CD2: variants seen among roughly 807,000 people sequenced by gnomAD.
The protein encoded by CD2 is T-cell surface antigen CD2.
CD2 carries 18 observed loss-of-function variants against 23.2 expected under a neutral mutation model. The ratio of observed to expected loss-of-function variants is 0.77; its 90% CI spans 0.54 to 1.15. The LOEUF (loss-of-function observed/expected upper bound fraction) is 1.15, where lower values mean the gene tolerates loss of function less well. Among genes scored for constraint, CD2 ranks in the 50% most tolerant of loss-of-function variants. The probability of loss-of-function intolerance (pLI) is 0.00; values close to 1 mark genes in which losing one functional copy is unlikely to be tolerated. For missense variants in CD2, 424 were observed against 423.1 expected (o/e 1.00, Z -0.02); for synonymous variants, 162 against 151.9 (o/e 1.07, Z -0.49).
intron 2 of CD2, among the ~76,000 whole-genome samples, chr1:116,757,014 T>C (rs1338829332): frequency 1.3e-5 from 2 of 150,596 alleles, no homozygotes; most frequent in Non-Finnish European, 3.0e-5. Flanking sequence ...TTTTTTTAAT[T>C]GAGATGGCAT....
intron 2 of CD2, among the ~76,000 whole-genome samples, chr1:116,757,091 G>C (rs1196898516): frequency 6.6e-6 from 1 of 151,632 alleles, no homozygotes; most frequent in Non-Finnish European, 1.5e-5. Context: ...CTGCCTCCCA[G>C]GTTCAAGCGA....
rs774555703 is a variant in CD2 at position 116,760,360 on chromosome 1, G to T, written c.383-42G>T. 1.8e-5 allele frequency: 27 copies of T among 1,537,816 alleles called. No homozygotes were observed. The Middle Eastern group carries it at 8.5e-4, about 48-fold the overall frequency. ...TAAATAGATATGTTTATTAAAATCA[G>T]AAAATTGCCTAAATTGAACTGAATC... On this transcript the variant is annotated intron_variant, in intron 2 of 4. Transcript: ENST00000369478.
intron 2 of CD2, 86 bp downstream of exon 2, chr1:116,755,037 G>A (rs1366554410): frequency 4.5e-5 from 40 of 892,160 alleles, no homozygotes; most frequent in Non-Finnish European, 6.4e-5. Flanking sequence ...ATTCCCCAGC[G>A]CTGACCTCTG....
chr1:116,758,702 T>C (rs1469459711), intron 2 of CD2, among the ~76,000 whole-genome samples: 2 of 152,196 alleles, frequency 1.3e-5, no homozygotes, highest in East Asian at 3.8e-4. Context: ...ACCATGTTGG[T>C]GTTTTCACAT....
intron 2 of CD2, among the ~76,000 whole-genome samples, chr1:116,756,039 G>T (rs960551863): frequency 6.6e-6 from 1 of 152,114 alleles, no homozygotes; most frequent in Non-Finnish European, 1.5e-5. Flanking sequence ...TCTGTCTCCA[G>T]CCCCATCTTC....
chr1:116,754,831 A>G lies in CD2; in HGVS notation c.262A>G (p.Lys88Glu). 3.1e-6 allele frequency: 5 copies of G among 1,612,628 alleles called. No individual in the cohort carries two copies. Among genetic ancestry groups the G allele is most frequent in the Non-Finnish European group, 4.2e-6 (5 of 1,178,668 alleles). ...GGAAAAAGATACATATAAGCTATTTAAAAATGGAACTCTGAAAATTAAGCA... is the reference window on the plus strand; with the variant it reads ...GGAAAAAGATACATATAAGCTATTTGAAAATGGAACTCTGAAAATTAAGCA... Reference protein sequence around the residue: ...FKEKDTYKLFKNGTLKIKHLK... With the variant: ...FKEKDTYKLFENGTLKIKHLK... The change falls in exon 2 of 5, where the codon AAA becomes GAA. Residue 88 changes from lysine (K) to glutamate (E), a missense_variant. Physicochemically the swap from Lys to Glu is moderately conservative, Grantham distance 56. Coordinates refer to ENST00000369478, the MANE Select transcript of CD2 (RefSeq NM_001767.5).
chr1:116,758,284 C>A (rs1045627743), intron 2 of CD2, among the ~76,000 whole-genome samples: 1 of 152,052 alleles, frequency 6.6e-6, no homozygotes, highest in Non-Finnish European at 1.5e-5. Context: ...AAAGAGGAAG[C>A]TGGCTTGGGG....
Position 116,760,544 on chromosome 1 carries a change from G to A in CD2, c.525G>A (p.Lys175=), listed in dbSNP as rs754364046. The A allele has an allele frequency of 1.7e-5, 27 of 1,614,076 alleles. No homozygotes were observed. The highest frequency in any genetic ancestry group is 1.9e-5 in the Non-Finnish European group (23 of 1,180,042). Residue 175 remains lysine (K), a synonymous_variant, in exon 3 of 5, where the codon AAG becomes AAA. Coordinates refer to ENST00000369478, the MANE Select transcript of CD2 (RefSeq NM_001767.5). ...LKLSQRVITH[K]WTTSLSAKFK... is the part of the protein sequence containing the mutation. ...TTTCTCAGAGGGTCATCACACACAA[G>A]TGGACCACCAGCCTGAGTGCAAAAT...
At chr1:116,763,518 G>A (rs1407878248) in intron 3 of CD2, among the ~76,000 whole-genome samples, 1 of 152,162 alleles carries the variant, frequency 6.6e-6, no homozygotes, top group Non-Finnish European at 1.5e-5. Context: ...CCTGTTGCTG[G>A]GAAACAGCTC....
Position 116,768,999 on chromosome 1 carries a change from G to A in CD2, c.*216G>A, listed in dbSNP as rs1445867066. On this transcript the variant is annotated 3_prime_UTR_variant, in exon 5 of 5. Coordinates refer to ENST00000369478, the MANE Select transcript of CD2 (RefSeq NM_001767.5). Reference sequence around the variant, plus strand: ...GAGAGCTCCATCACACCAGTAAGGAGAAGCAATATAAGTGTGATTGCAAGA... The same window carrying A: ...GAGAGCTCCATCACACCAGTAAGGAAAAGCAATATAAGTGTGATTGCAAGA... 25 of 568,648 alleles carry A rather than the reference G, an allele frequency of 4.4e-5. No homozygotes were observed. In the South Asian group the frequency reaches 5.3e-4, roughly 12 times the overall value. 35.2% of individuals were successfully genotyped at this position (568,648 alleles called of 1,614,324 possible). A position where few individuals can be genotyped will look rare whatever the true frequency, so the allele number is the denominator to read the frequency against.
Position 116,768,800 on chromosome 1 carries a change from C to G in CD2, c.*17C>G. 1 of 1,594,698 alleles carries G rather than the reference C, an allele frequency of 6.3e-7. No homozygotes were observed. The highest frequency in any genetic ancestry group is 8.5e-7 in the Non-Finnish European group (1 of 1,171,040). ...TCTAATTAAAAAAGATAGAAACTGT[C>G]TTTTTCAATAAAAAGCACTGTGGAT... is the stretch of plus-strand genomic sequence containing the variant. On this transcript the variant is annotated 3_prime_UTR_variant, in exon 5 of 5. Coordinates refer to ENST00000369478, the MANE Select transcript of CD2 (RefSeq NM_001767.5).
intron 2 of CD2, among the ~76,000 whole-genome samples, chr1:116,759,149 A>G (rs1013227674): frequency 3.3e-5 from 5 of 152,210 alleles, no homozygotes; most frequent in Non-Finnish European, 7.3e-5. Flanking sequence ...TAGACTATGT[A>G]CTAACTCTGT....
chr1:116,767,213 G>T (rs1652241898), intron 4 of CD2, among the ~76,000 whole-genome samples: 1 of 152,168 alleles, frequency 6.6e-6, no homozygotes, highest in African/African-American at 2.4e-5. Flanking sequence ...GAGGCCATCT[G>T]GTTTGAATCA....
chr1:116,766,614 G>A (rs1652222671), intron 4 of CD2, among the ~76,000 whole-genome samples: 1 of 152,044 alleles, frequency 6.6e-6, no homozygotes, highest in Non-Finnish European at 1.5e-5. Flanking sequence ...TCAGCACTTT[G>A]GGAGGCCGAG....
chr1:116,765,776 T>C (rs1052258820), intron 4 of CD2, among the ~76,000 whole-genome samples: 2 of 152,216 alleles, frequency 1.3e-5, no homozygotes, highest in African/African-American at 4.8e-5. Flanking sequence ...CATATCTTCT[T>C]CCAAGGTGGA....
At chr1:116,768,117 A>G (rs974795746) in intron 4 of CD2, among the ~76,000 whole-genome samples, 1 of 152,124 alleles carries the variant, frequency 6.6e-6, no homozygotes, top group African/African-American at 2.4e-5. Flanking sequence ...CGCTCTAACC[A>G]TGAGGTTCTT....
At chr1:116,757,276 T>C (rs1651885783) in intron 2 of CD2, among the ~76,000 whole-genome samples, 2 of 152,080 alleles carry the variant, frequency 1.3e-5, no homozygotes. Context: ...GGATTACAGG[T>C]GTGAACCACG....
At chr1:116,767,523 A>G (rs533548157) in intron 4 of CD2, among the ~76,000 whole-genome samples, 1 of 151,722 alleles carries the variant, frequency 6.6e-6, no homozygotes, top group South Asian at 2.1e-4. Context: ...CCTGGGAGGC[A>G]GAGGCTGCAG....
In CD2 at chr1:116,764,598, G is replaced by T. The variant is rs371997526; in HGVS notation, c.728G>T (p.Arg243Leu). The change falls in exon 4 of 5, where the codon CGG becomes CTG. Residue 243 changes from arginine to leucine, a missense_variant. Arg to Leu is a moderately radical substitution (Grantham distance 102). Transcript: ENST00000369478. ...YITKRKKQRS[R>L]RNDEELETRA... ...ACCAAAAGGAAAAAACAGAGGAGTC[G>T]GAGAAATGGTAAGCTCCCCCTCTTT... 8.7e-6 allele frequency: 14 copies of T among 1,613,548 alleles called. No homozygotes were observed. The African/African-American group carries it at 1.9e-4, about 22-fold the overall frequency.
Sources: allele counts gnomAD v4.1 joint callset (sites outside exome capture counted in the v4.1 genomes callset), GRCh38; gene constraint gnomAD v4.1.1; transcripts MANE v1.5; gene names NCBI Gene and HGNC (gene_info 2026-07-23, HGNC 2026-07-21).